Variants in FSTL5 observed in about 807,000 individuals in gnomAD.
The protein encoded by FSTL5 is follistatin like 5.
A neutral mutation model predicts 89.1 loss-of-function variants in FSTL5; 62 were observed. The ratio of observed to expected loss-of-function variants is 0.70; its 90% CI spans 0.57 to 0.86. The LOEUF is 0.86. FSTL5 is among the 40% of genes least tolerant of loss of function. FSTL5 has a pLI of 0.00. For missense variants in FSTL5, 1,057 were observed against 1,001.6 expected (o/e 1.06, Z -0.75); for synonymous variants, 383 against 346.2 (o/e 1.11, Z -1.18).
intron 8 of FSTL5, among the ~76,000 whole-genome samples, chr4:161,553,912 TAAATC>T: frequency 6.6e-6 from 1 of 151,710 alleles, no homozygotes; most frequent in East Asian, 1.9e-4. Context: ...ATCATTTAAA[TAAATC>T]AAACAAATCT....
At chr4:161,472,650 A>T (rs1010753677) in intron 13 of FSTL5, among the ~76,000 whole-genome samples, 2 of 152,150 alleles carry the variant, frequency 1.3e-5, no homozygotes, top group African/African-American at 4.8e-5. Context: ...CAATTTAAAA[A>T]AAATTCCAAT....
intron 3 of FSTL5, among the ~76,000 whole-genome samples, chr4:161,975,833 A>C (rs762728168): frequency 2.6e-5 from 4 of 151,020 alleles, no homozygotes; most frequent in African/African-American, 4.8e-5. Context: ...ATCTCCAAGC[A>C]GGCTGGGCGC....
At chr4:161,567,441 T>A (rs760357197) in intron 8 of FSTL5, among the ~76,000 whole-genome samples, 1 of 152,160 alleles carries the variant, frequency 6.6e-6, no homozygotes, top group African/African-American at 2.4e-5. Context: ...ACTCTCTTGT[T>A]ATACAAGTGT....
intron 4 of FSTL5, among the ~76,000 whole-genome samples, chr4:161,812,652 A>G (rs1025926003): frequency 7.2e-5 from 11 of 152,118 alleles, no homozygotes; most frequent in Admixed American, 5.9e-4. Flanking sequence ...GGCTGTTGTC[A>G]CTGACTCCTC....
At chr4:161,573,425 A>G (rs1733094973) in intron 8 of FSTL5, among the ~76,000 whole-genome samples, 1 of 151,112 alleles carries the variant, frequency 6.6e-6, no homozygotes, top group African/African-American at 2.4e-5. Context: ...AAAAAAAAAA[A>G]AAAAAAGAGA....
intron 7 of FSTL5, among the ~76,000 whole-genome samples, chr4:161,638,392 C>T (rs1326271525): frequency 1.3e-5 from 2 of 152,144 alleles, no homozygotes; most frequent in African/African-American, 2.4e-5. Context: ...TCTAGATATA[C>T]AACCATGTCG....
intron 13 of FSTL5, among the ~76,000 whole-genome samples, chr4:161,475,747 G>T (rs1477025420): frequency 1.3e-5 from 2 of 151,506 alleles, no homozygotes; most frequent in African/African-American, 4.8e-5. Flanking sequence ...ACATTCTGTT[G>T]ATTCTGTTTT....
At position 161,386,031 on chromosome 4, in the gene FSTL5, AT is replaced by A; in HGVS notation, c.2259del (p.Gln753HisfsTer26). 1 of 1,614,090 alleles carries A rather than the reference AT, an allele frequency of 6.2e-7. No homozygotes were observed. Among genetic ancestry groups the A allele is most frequent in the Non-Finnish European group, 8.5e-7 (1 of 1,179,982 alleles). On this transcript the variant is annotated frameshift_variant, in exon 16 of 16. Transcript: ENST00000306100. LOFTEE classifies it high-confidence loss of function. ...GTGCTTGAACTACCGTAGATGTTAT[AT>A]TGGTGGGCTTCAGTAAAGGATGGTT... ...AFQPSFTEAHQYNIYGSSSTQ... is the reference protein window; with the variant it reads ...AFQPSFTEAHXYNIYGSSSTQ...
At chr4:161,760,775 T>C (rs924650355) in intron 5 of FSTL5, among the ~76,000 whole-genome samples, 9 of 152,232 alleles carry the variant, frequency 5.9e-5, no homozygotes, top group African/African-American at 1.7e-4. Flanking sequence ...CAGAATGTCT[T>C]GGACTTTCTT....
chr4:161,929,395 A>G (rs1734217809), intron 3 of FSTL5, among the ~76,000 whole-genome samples: 1 of 151,670 alleles, frequency 6.6e-6, no homozygotes, highest in African/African-American at 2.4e-5. Flanking sequence ...TTGAAGTCAG[A>G]TAGCTCAATA....
At chr4:161,494,960 GC>G (rs1730012219) in intron 12 of FSTL5, among the ~76,000 whole-genome samples, 1 of 152,060 alleles carries the variant, frequency 6.6e-6, no homozygotes, top group African/African-American at 2.4e-5. Flanking sequence ...TACCCATGAG[GC>G]TAAGGTAGAA....
intron 10 of FSTL5, among the ~76,000 whole-genome samples, chr4:161,510,919 T>A (rs1359318777): frequency 6.6e-6 from 1 of 152,020 alleles, no homozygotes; most frequent in Non-Finnish European, 1.5e-5. Flanking sequence ...ATTGGCCTAT[T>A]TTTAAAGAGT....
chr4:161,787,648 G>A (rs1467948055), intron 4 of FSTL5, among the ~76,000 whole-genome samples: 3 of 152,116 alleles, frequency 2.0e-5, no homozygotes, highest in African/African-American at 4.8e-5. Flanking sequence ...GAAATAAAAA[G>A]TGTTTTCTGT....
chr4:161,392,400 A>T (rs1560872414), intron 15 of FSTL5, among the ~76,000 whole-genome samples: 1 of 151,910 alleles, frequency 6.6e-6, no homozygotes, highest in Non-Finnish European at 1.5e-5. Flanking sequence ...TAATTTTCGT[A>T]TTTTTTGTAG....
chr4:161,941,053 T>C (rs1369751497), intron 3 of FSTL5, among the ~76,000 whole-genome samples: 1 of 151,898 alleles, frequency 6.6e-6, no homozygotes, highest in African/African-American at 2.4e-5. Flanking sequence ...AAAAGTGTTT[T>C]GGTATACTAT....
chr4:161,987,730 G>A (rs976101465), intron 3 of FSTL5, among the ~76,000 whole-genome samples: 1 of 150,752 alleles, frequency 6.6e-6, no homozygotes, highest in Non-Finnish European at 1.5e-5. Flanking sequence ...ATTCTTTACC[G>A]AATGACTGTA....
intron 6 of FSTL5, among the ~76,000 whole-genome samples, chr4:161,677,507 T>C (rs886850550): frequency 2.6e-5 from 4 of 152,040 alleles, no homozygotes; most frequent in Non-Finnish European, 4.4e-5. Flanking sequence ...TATCACACAT[T>C]TGGAAATCTT....
At chr4:161,520,618 A>G (rs1376644495) in intron 10 of FSTL5, among the ~76,000 whole-genome samples, 2 of 152,150 alleles carry the variant, frequency 1.3e-5, no homozygotes, top group African/African-American at 2.4e-5. Context: ...CCAACTAATT[A>G]TATGTGGTTG....
At chr4:161,821,708 G>C (rs964893514) in intron 4 of FSTL5, among the ~76,000 whole-genome samples, 2 of 151,986 alleles carry the variant, frequency 1.3e-5, no homozygotes, top group African/African-American at 2.4e-5. Flanking sequence ...TAGAATAATG[G>C]TCTCCAATTC....
Sources: gnomAD v4.1 joint callset for allele counts (sites outside exome capture counted in the v4.1 genomes callset) on GRCh38, gnomAD v4.1.1 for gene constraint, MANE v1.5 for transcripts, NCBI Gene and HGNC (gene_info 2026-07-23, HGNC 2026-07-21) for gene names.